The following CELF1 variants were observed in gnomAD, a reference collection of about 807,000 sequenced individuals.
The protein encoded by CELF1 is 50 kDa nuclear polyadenylated RNA-binding protein.
A neutral mutation model predicts 61.8 loss-of-function variants in CELF1; 10 were observed. That is an observed-to-expected ratio of 0.16 (90% CI 0.10 to 0.27). The LOEUF is 0.27. Among genes scored for constraint, CELF1 ranks in the 10% least tolerant of loss-of-function variants. The pLI is 1.00. For missense variants in CELF1, 380 were observed against 639.1 expected (o/e 0.59, Z 4.37); for synonymous variants, 236 against 225.1 (o/e 1.05, Z -0.43).
intron 6 of CELF1, among the ~76,000 whole-genome samples, chr11:47,485,411 T>C (rs560153429): frequency 1.3e-5 from 2 of 152,240 alleles, no homozygotes; most frequent in South Asian, 4.1e-4. Flanking sequence ...GCTTACGCAA[T>C]CCTCCGGCCT....
At chr11:47,538,803 G>T (rs533844801) in intron 1 of CELF1, among the ~76,000 whole-genome samples, 2 of 152,064 alleles carry the variant, frequency 1.3e-5, no homozygotes, top group East Asian at 3.8e-4. Flanking sequence ...CGTTAGAAGC[G>T]CTAAACTGTC....
intron 2 of CELF1, among the ~76,000 whole-genome samples, chr11:47,558,576 T>TATATATATATTTATATATAATATATAA (rs1555194417): frequency 0.026 from 2,762 of 106,292 alleles, 182 homozygotes; most frequent in African/African-American, 0.11. Flanking sequence ...AATATATAAA[T>TATATATATATTTATATATAATATATAA]ATATATATAT....
intron 1 of CELF1, among the ~76,000 whole-genome samples, chr11:47,549,277 A>C (rs1393926267): frequency 1.3e-5 from 2 of 152,206 alleles, no homozygotes; most frequent in Admixed American, 1.3e-4. Context: ...ATAAAAATTA[A>C]AAACAGAATT....
At chr11:47,499,867 G>A (rs2093679331) in intron 2 of CELF1, 1 of 202,530 alleles carries the variant, frequency 4.9e-6, no homozygotes, top group Non-Finnish European at 9.9e-6. Flanking sequence ...GATAGCAGTG[G>A]CTAACAGAGC....
At chr11:47,539,773 G>A (rs1185201181) in intron 1 of CELF1, among the ~76,000 whole-genome samples, 1 of 152,198 alleles carries the variant, frequency 6.6e-6, no homozygotes, top group Non-Finnish European at 1.5e-5. Flanking sequence ...TGCTCTGCAT[G>A]TGGATGGCTG....
intron 1 of CELF1, among the ~76,000 whole-genome samples, chr11:47,548,705 A>T (rs1346736562): frequency 6.6e-6 from 1 of 151,920 alleles, no homozygotes; most frequent in Non-Finnish European, 1.5e-5. Flanking sequence ...CTCTCTACTA[A>T]AAATACAAAA....
chr11:47,489,955 T>TTTTTTTTTTTTTTTTTTTTTTTTA (rs71042675), intron 3 of CELF1, among the ~76,000 whole-genome samples: 1 of 141,284 alleles, frequency 7.1e-6, no homozygotes, highest in Non-Finnish European at 1.5e-5. Context: ...TTTTTTTTTT[T>TTTTTTTTTTTTTTTTTTTTTTTTA]GAGACGGAAT....
chr11:47,554,247 A>T (rs1460513837), upstream of CELF1, among the ~76,000 whole-genome samples: 1 of 152,126 alleles, frequency 6.6e-6, no homozygotes, highest in African/African-American at 2.4e-5. Context: ...ATTGTACATG[A>T]TCATATTCCC....
chr11:47,522,698 G>A (rs1325113703), intron 1 of CELF1, among the ~76,000 whole-genome samples: 1 of 151,924 alleles, frequency 6.6e-6, no homozygotes, highest in African/African-American at 2.4e-5. Flanking sequence ...GTGGTGGCAT[G>A]CGCTTGTAGT....
chr11:47,555,249 T>A (rs1183544645), upstream of CELF1, among the ~76,000 whole-genome samples: 6 of 152,224 alleles, frequency 3.9e-5, no homozygotes, highest in Admixed American at 1.3e-4. Flanking sequence ...ATGCCCGTCT[T>A]ATTATATCTC....
chr11:47,489,936 T>TTTTTTTTTTTTTTTTTTC lies in CELF1; in HGVS notation c.72-913_72-912insGAAAAAAAAAAAAAAAAA, dbSNP rs2090378152. On this transcript the variant is annotated intron_variant, in intron 3 of 14. Coordinates refer to ENST00000687097, the MANE Select transcript of CELF1 (RefSeq NM_001376376.1). ...TTTCCACTCAGAACATACCATCTTGTTTTTTTTTTTTTTTTTTTTGAGACG... is the reference window on the plus strand; with the variant it reads ...TTTCCACTCAGAACATACCATCTTGTTTTTTTTTTTTTTTTTTCTTTTTTTTTTTTTTTTTTTGAGACG... Among the ~76,000 whole-genome samples the TTTTTTTTTTTTTTTTTTC allele has an allele frequency of 3.0e-5, 2 of 66,256 alleles. 1 individual carries two copies. The highest frequency in any genetic ancestry group is 5.7e-5 in the Non-Finnish European group (2 of 35,024). The allele number at this position is 66,256 out of a possible 152,430, so 43.5% of individuals were successfully genotyped here. A position where few individuals can be genotyped will look rare whatever the true frequency, so the allele number is the denominator to read the frequency against.
At chr11:47,488,718 A>G in intron 4 of CELF1, 119 bp downstream of exon 4, 1 of 693,376 alleles carries the variant, frequency 1.4e-6, no homozygotes, top group South Asian at 3.6e-5. Context: ...GAGAGAATGC[A>G]CATGAAAGAA....
At chr11:47,542,234 C>T (rs2096827744) in intron 1 of CELF1, among the ~76,000 whole-genome samples, 1 of 152,058 alleles carries the variant, frequency 6.6e-6, no homozygotes, top group South Asian at 2.1e-4. Context: ...GCCAGGCATG[C>T]TGGCAGGTGC....
chr11:47,563,036 G>A (rs1472093509), intron 2 of CELF1, among the ~76,000 whole-genome samples: 1 of 151,918 alleles, frequency 6.6e-6, no homozygotes, highest in Non-Finnish European at 1.5e-5. Flanking sequence ...GGGCAACATA[G>A]TGAGACCCCA....
At chr11:47,477,579 G>A in intron 10 of CELF1, 154 bp from the exon 11 acceptor site, 1 of 662,410 alleles carries the variant, frequency 1.5e-6, no homozygotes, top group East Asian at 2.7e-5. Flanking sequence ...CTCCAAAAAT[G>A]ATTCATGTAT....
intron 1 of CELF1, among the ~76,000 whole-genome samples, chr11:47,533,527 CAGG>C (rs1288944355): frequency 6.6e-6 from 1 of 152,164 alleles, no homozygotes; most frequent in Non-Finnish European, 1.5e-5. Flanking sequence ...GAGGCTGAGG[CAGG>C]AGAACTGCTT....
At chr11:47,474,179 G>A (rs1175049882) in intron 13 of CELF1, among the ~76,000 whole-genome samples, 1 of 152,174 alleles carries the variant, frequency 6.6e-6, no homozygotes, top group Admixed American at 6.5e-5. Flanking sequence ...TTACAGGCGC[G>A]AGCCACTGCG....
intron 1 of CELF1, among the ~76,000 whole-genome samples, chr11:47,505,800 T>C (rs559119946): frequency 6.7e-6 from 1 of 150,100 alleles, no homozygotes; most frequent in South Asian, 2.1e-4. Context: ...CCAGGCACAG[T>C]AGCAGGCACC....
At chr11:47,474,324 CT>C (rs1409345963) in intron 13 of CELF1, among the ~76,000 whole-genome samples, 1 of 152,216 alleles carries the variant, frequency 6.6e-6, no homozygotes, top group Admixed American at 6.5e-5. Context: ...TCTGTACTTG[CT>C]TTTCCTATGC....
Sources: gnomAD v4.1 joint callset for allele counts (sites outside exome capture counted in the v4.1 genomes callset) on GRCh38, gnomAD v4.1.1 for gene constraint, MANE v1.5 for transcripts, NCBI Gene and HGNC (gene_info 2026-07-23, HGNC 2026-07-21) for gene names.